Variants in GLB1 observed in about 807,000 individuals in gnomAD.
GLB1 encodes galactosidase beta 1, also known as beta-galactosidase.
A neutral mutation model predicts 74.0 loss-of-function variants in GLB1; 56 were observed. That is an observed-to-expected ratio of 0.76 (90% CI 0.61 to 0.94). GLB1 has a LOEUF of 0.94. Among genes scored for constraint, GLB1 ranks in the 40% least tolerant of loss-of-function variants. The pLI is 0.00. For missense variants in GLB1, 787 were observed against 845.5 expected, an observed-to-expected ratio of 0.93 and a Z score of 0.86; for synonymous variants, 323 against 323.6, an observed-to-expected ratio of 1.00 and a Z score of 0.02.
chr3:33,096,724 CTCAACACCTCGTT>C, intron 1 of GLB1: 2 of 1,265,452 alleles, frequency 1.6e-6, no homozygotes, highest in African/African-American at 3.2e-5. Flanking sequence ...CGCACCTCGT[CTCAACACCTCGTT>C]ACAGATGGGG....
intron 11 of GLB1, 140 bp downstream of exon 11, chr3:33,024,111 C>T: frequency 1.1e-6 from 1 of 928,926 alleles, no homozygotes; most frequent in Non-Finnish European, 1.6e-6. Flanking sequence ...TCATTTACCC[C>T]ATTAGGCTTG....
intron 2 of GLB1, 135 bp downstream of exon 2, chr3:33,072,409 G>A (rs1699918625): frequency 2.2e-6 from 3 of 1,373,450 alleles, no homozygotes; most frequent in Non-Finnish European, 3.0e-6. Context: ...CTCATGACAA[G>A]CCCCTCCCAG....
chr3:33,046,362 C>T (rs1698739802), intron 9 of GLB1, 130 bp from the exon 10 acceptor site: 3 of 1,052,152 alleles, frequency 2.9e-6, no homozygotes, highest in South Asian at 1.4e-5. Flanking sequence ...TGTTGGGAGA[C>T]ACAGACGTGA....
chr3:33,096,583 T>G, intron 1 of GLB1: 15 of 1,031,968 alleles, frequency 1.5e-5, no homozygotes, highest in Non-Finnish European at 1.7e-5. Flanking sequence ...GACCCCATTT[T>G]TCTCCTTCCG....
At chr3:33,065,412 G>C in intron 5 of GLB1, 51 bp downstream of exon 5, 1 of 1,546,738 alleles carries the variant, frequency 6.5e-7, no homozygotes, top group Non-Finnish European at 8.7e-7. Flanking sequence ...ATGTAATGTA[G>C]ATGGATGGGA....
At chr3:33,096,483 G>T (rs1575506155) in intron 1 of GLB1, 1 of 985,028 alleles carries the variant, frequency 1.0e-6, no homozygotes. Flanking sequence ...GGCAGGCGAC[G>T]GGGAGTGGTG....
intron 15 of GLB1, among the ~76,000 whole-genome samples, chr3:33,004,870 G>A (rs1696723052): frequency 6.6e-6 from 1 of 152,180 alleles, no homozygotes. Flanking sequence ...ACCCCCAAAG[G>A]TGGGCTCCAG....
intron 1 of GLB1, chr3:33,092,986 C>T: frequency 6.2e-7 from 1 of 1,614,204 alleles, no homozygotes; most frequent in Non-Finnish European, 8.5e-7. Flanking sequence ...AGGAGATAGG[C>T]TGCTACGTTC....
At chr3:33,083,780 T>C (rs1259139513) in intron 1 of GLB1, among the ~76,000 whole-genome samples, 4 of 142,100 alleles carry the variant, frequency 2.8e-5, no homozygotes, top group African/African-American at 1.2e-4. Flanking sequence ...TACTGGCCAA[T>C]GTAATTTTTT....
downstream of GLB1, among the ~76,000 whole-genome samples, chr3:32,993,595 C>T (rs1269210873): frequency 3.9e-5 from 5 of 127,014 alleles, no homozygotes; most frequent in Non-Finnish European, 6.3e-5. Context: ...AGTACAGTGG[C>T]GCAATCTCGG....
At chr3:33,051,613 A>G (rs112893688) in intron 9 of GLB1, 145 bp downstream of exon 9, 2 of 1,208,818 alleles carry the variant, frequency 1.7e-6, no homozygotes, top group Non-Finnish European at 2.3e-6. Flanking sequence ...CAAAAAAAAA[A>G]AAAAAAGAAA....
intron 1 of GLB1, among the ~76,000 whole-genome samples, chr3:33,084,231 G>T (rs932996282): frequency 1.3e-5 from 2 of 152,206 alleles, no homozygotes; most frequent in East Asian, 3.8e-4. Context: ...ATGGATAGAG[G>T]CAAGGGGAGA....
At chr3:33,070,792 A>C (rs1393338712) in intron 2 of GLB1, among the ~76,000 whole-genome samples, 2 of 152,204 alleles carry the variant, frequency 1.3e-5, no homozygotes, top group Non-Finnish European at 2.9e-5. Context: ...GTTTCAGTGA[A>C]CTATGATTGA....
intron 1 of GLB1, chr3:33,094,348 C>T: frequency 7.1e-7 from 1 of 1,404,114 alleles, no homozygotes; most frequent in Non-Finnish European, 9.3e-7. Flanking sequence ...ATTAGAGTGT[C>T]CTTGTACCCA....
At position 33,026,509 on chromosome 3, in the gene GLB1, G is replaced by A. The variant is rs568846204; in HGVS notation, c.1069-2184C>T. On this transcript the variant is annotated intron_variant, in intron 10 of 15. Transcript: ENST00000307363. ...GACAGGCTCCTGGGTGGAAGGGGGC[G>A]AGTCCCTGGTGAAGCCCCACCTTCA... Among the ~76,000 whole-genome samples, 317 of 152,266 alleles carry A rather than the reference G, an allele frequency of 2.1e-3. 2 individuals carry two copies. Among genetic ancestry groups the A allele is most frequent in the Non-Finnish European group, 3.9e-3 (264 of 68,010 alleles).
chr3:33,081,348 G>C (rs1264377462), intron 1 of GLB1, among the ~76,000 whole-genome samples: 1 of 152,118 alleles, frequency 6.6e-6, no homozygotes, highest in African/African-American at 2.4e-5. Context: ...ATATTCTATT[G>C]GTAAGAGCCC....
Position 33,093,994 on chromosome 3 carries a change from C to T in GLB1, c.75+3017G>A. The T allele has an allele frequency of 1.9e-6, 3 of 1,614,206 alleles. No homozygotes were observed. Among genetic ancestry groups the T allele is most frequent in the Non-Finnish European group, 2.5e-6 (3 of 1,180,038 alleles). ...GCTGGGGAGTGGCAGAGGTTGCTCA[C>T]TGTGCTGCGCCAAATGTAGAGGGAG... On this transcript the variant is annotated intron_variant, in intron 1 of 15. Coordinates refer to ENST00000307363, the MANE Select transcript of GLB1 (RefSeq NM_000404.4). The surrounding 1 kb of genome is among the most constrained non-coding windows in gnomAD (Gnocchi z 6.0).
intron 1 of GLB1, chr3:33,094,004 C>G: frequency 6.2e-7 from 1 of 1,614,188 alleles, no homozygotes; most frequent in Non-Finnish European, 8.5e-7. Flanking sequence ...CTGTGCTGCG[C>G]CAAATGTAGA....
chr3:33,033,307 A>G (rs1698132253), intron 10 of GLB1, among the ~76,000 whole-genome samples: 1 of 152,230 alleles, frequency 6.6e-6, no homozygotes, highest in African/African-American at 2.4e-5. Flanking sequence ...CCCAATTTTG[A>G]TTACAATCTT....
Sources: gnomAD v4.1 joint callset for allele counts (sites outside exome capture counted in the v4.1 genomes callset) on GRCh38, gnomAD v4.1.1 for gene constraint, Gnocchi (gnomAD v3.1) non-coding constraint, MANE v1.5 for transcripts, NCBI Gene and HGNC (gene_info 2026-07-23, HGNC 2026-07-21) for gene names.